TBCE: variants seen among roughly 807,000 people sequenced by gnomAD.
The protein encoded by TBCE is tubulin-specific chaperone E.
A neutral mutation model predicts 77.0 loss-of-function variants in TBCE; 53 were observed. That is an observed-to-expected ratio of 0.69 (90% CI 0.55 to 0.87). The LOEUF is 0.87. TBCE is among the 40% of genes least tolerant of loss of function. The pLI, the probability that TBCE is intolerant of heterozygous loss-of-function variation, is 0.00. For synonymous variants in TBCE, 235 were observed against 241.3 expected, an observed-to-expected ratio of 0.97 and a Z score of 0.24; for missense variants, 624 against 622.4, an observed-to-expected ratio of 1.00 and a Z score of -0.03.
chr1:235,446,980 T>G (rs979793587), intron 15 of TBCE, among the ~76,000 whole-genome samples: 32 of 152,150 alleles, frequency 2.1e-4, no homozygotes, highest in African/African-American at 7.7e-4. Context: ...AGATTTCTTA[T>G]TAGAACTGTT....
chr1:235,449,951 TA>T lies in TBCE; in HGVS notation c.*1193del, dbSNP rs1558403926. 2 of 316,768 alleles carry T rather than the reference TA, an allele frequency of 6.3e-6. No individual in the cohort carries two copies. The highest frequency in any genetic ancestry group is 1.1e-4 in the East Asian group (2 of 18,072). The allele number at this position is 316,768 out of a possible 1,614,324, so 19.6% of individuals were successfully genotyped here. Reference sequence around the variant, plus strand: ...GGATTTAGAAATATTTTTTCTTTTATAAAATAACTTGGTATTTTTCTGATAA... The same window carrying T: ...GGATTTAGAAATATTTTTTCTTTTATAAATAACTTGGTATTTTTCTGATAA... On this transcript the variant is annotated 3_prime_UTR_variant, in exon 17 of 17. Coordinates refer to ENST00000642610, the MANE Select transcript of TBCE (RefSeq NM_003193.5).
chr1:235,380,070 G>C lies in TBCE; in HGVS notation c.21G>C (p.Ala7=). 1.2e-6 allele frequency: 2 copies of C among 1,613,684 alleles called. No homozygotes were observed. The highest frequency in any genetic ancestry group is 1.7e-6 in the Non-Finnish European group (2 of 1,179,840). Residue 7 remains alanine (A), a synonymous_variant, in exon 2 of 17, where the codon GCG becomes GCC. Transcript: ENST00000642610. The part of the protein sequence containing the change: MSDTLT[A]DVIGRRVEVN... ...TTATAATGAGTGACACTTTGACAGC[G>C]GATGTCATTGGTCGAAGAGTTGAAG...
chr1:235,447,546 G>A (rs375263038), intron 15 of TBCE, among the ~76,000 whole-genome samples: 233 of 152,174 alleles, frequency 1.5e-3, no homozygotes, highest in Admixed American at 2.6e-3. Flanking sequence ...GAATGGCGGC[G>A]CTGGAAGGGA....
chr1:235,428,392 C>T (rs1272168009), intron 6 of TBCE, among the ~76,000 whole-genome samples: 1 of 152,056 alleles, frequency 6.6e-6, no homozygotes, highest in Non-Finnish European at 1.5e-5. Flanking sequence ...TGGAAGTCCC[C>T]TCTCTCTTAC....
chr1:235,414,678 A>T, intron 4 of TBCE, 60 bp downstream of exon 4: 1 of 1,538,676 alleles, frequency 6.5e-7, no homozygotes, highest in Non-Finnish European at 9.0e-7. Flanking sequence ...TTCAGAATTG[A>T]AATACCCATG....
At position 235,381,900 on chromosome 1, in the gene TBCE, G is replaced by T. The variant is rs1677679669; in HGVS notation, c.100+1751G>T. On this transcript the variant is annotated intron_variant, in intron 2 of 16. Transcript: ENST00000642610. Reference sequence around the variant, plus strand: ...ACATATGTATACATGTGCCATGCTGGTGTGCTGCACCCATTAACTCGTCAT... The same window carrying T: ...ACATATGTATACATGTGCCATGCTGTTGTGCTGCACCCATTAACTCGTCAT... Among the ~76,000 whole-genome samples the T allele has an allele frequency of 2.0e-5, 3 of 146,562 alleles. No homozygotes were observed. The Admixed American group carries it at 2.1e-4, about 10-fold the overall frequency.
At chr1:235,440,221 T>C (rs757915073) in intron 13 of TBCE, among the ~76,000 whole-genome samples, 124 of 152,076 alleles carry the variant, frequency 8.2e-4, no homozygotes, top group Non-Finnish European at 1.2e-3. Context: ...CCACCCACCT[T>C]GGCCTCCCAG....
chr1:235,383,733 T>C (rs941995577), intron 2 of TBCE, among the ~76,000 whole-genome samples: 2 of 152,206 alleles, frequency 1.3e-5, no homozygotes, highest in African/African-American at 4.8e-5. Flanking sequence ...CAGTGGGGTT[T>C]TCTAGATATA....
chr1:235,397,282 AGCTCCGCCTC>A (rs1317886740), intron 2 of TBCE, among the ~76,000 whole-genome samples: 1 of 150,160 alleles, frequency 6.7e-6, no homozygotes, highest in African/African-American at 2.5e-5. Flanking sequence ...GCTCACTGCA[AGCTCCGCCTC>A]CTGGGTTCAC....
intron 1 of TBCE, among the ~76,000 whole-genome samples, chr1:235,369,039 T>C (rs961627623): frequency 1.1e-4 from 16 of 152,162 alleles, no homozygotes; most frequent in African/African-American, 2.7e-4. Context: ...GCTCTTGTTA[T>C]CACCTTCACT....
chr1:235,405,336 T>C (rs971428339), intron 3 of TBCE, among the ~76,000 whole-genome samples: 4 of 151,674 alleles, frequency 2.6e-5, no homozygotes, highest in South Asian at 4.2e-4. Context: ...TTTTTTTTTT[T>C]TTTAATAAGT....
chr1:235,396,453 G>T lies in TBCE; in HGVS notation c.101-5050G>T, dbSNP rs904273846. Among the ~76,000 whole-genome samples the T allele has an allele frequency of 5.9e-5, 9 of 152,182 alleles. No homozygotes were observed. The East Asian group carries it at 1.7e-3, about 29-fold the overall frequency. ...TTTGAATAGTGCTGCAGTAAACATAGGAGTGCAGATGTCTCTTCTATATAC... is the reference window on the plus strand; with the variant it reads ...TTTGAATAGTGCTGCAGTAAACATATGAGTGCAGATGTCTCTTCTATATAC... On this transcript the variant is annotated intron_variant, in intron 2 of 16. Transcript: ENST00000642610.
chr1:235,380,647 C>T (rs761218124), intron 2 of TBCE, among the ~76,000 whole-genome samples: 4 of 151,184 alleles, frequency 2.6e-5, no homozygotes, highest in South Asian at 2.1e-4. Flanking sequence ...TTTGATTTTG[C>T]GTATTTCTTA....
intron 2 of TBCE, among the ~76,000 whole-genome samples, chr1:235,397,508 C>T (rs1678815700): frequency 1.3e-5 from 2 of 152,160 alleles, no homozygotes; most frequent in Admixed American, 6.5e-5. Flanking sequence ...CCACCGCGTC[C>T]GGCACTTTGT....
intron 13 of TBCE, among the ~76,000 whole-genome samples, chr1:235,440,067 T>C (rs1266870191): frequency 6.6e-6 from 1 of 152,060 alleles, no homozygotes; most frequent in Non-Finnish European, 1.5e-5. Context: ...GCCTCCCGGG[T>C]TCACGCCATT....
intron 3 of TBCE, among the ~76,000 whole-genome samples, chr1:235,408,905 T>G (rs774425295): frequency 6.6e-6 from 1 of 152,140 alleles, no homozygotes; most frequent in Non-Finnish European, 1.5e-5. Context: ...TGTGGAAGTC[T>G]GGGAGTCTGT....
chr1:235,380,148 A>T lies in TBCE; in HGVS notation c.99A>T (p.Ala33=). The T allele has an allele frequency of 6.3e-7, 1 of 1,588,560 alleles. No homozygotes were observed. The highest frequency in any genetic ancestry group is 8.6e-7 in the Non-Finnish European group (1 of 1,162,590). ...VRFAGVVPPV[A]GPWLGVEWDN... is the part of the protein sequence containing the mutation. The stretch of plus-strand genomic sequence containing the variant: ...TTGCTGGTGTTGTCCCTCCCGTGGC[A>T]GGTAAGCAATTATTGTGTGTGTGTG... Residue 33 remains alanine, a splice_region_variant and synonymous_variant, in exon 2 of 17, where the codon GCA becomes GCT. Transcript: ENST00000642610.
chr1:235,449,043 TAGAA>T lies in TBCE; in HGVS notation c.*287_*290del, dbSNP rs535642426. ...TTCATGATAAGATTTAAATATTAAA[TAGAA>T]AGAAACTAGCTAGCCTAATAAAATC... On this transcript the variant is annotated 3_prime_UTR_variant, in exon 17 of 17. Transcript: ENST00000642610. 984 of 350,248 alleles carry T rather than the reference TAGAA, an allele frequency of 2.8e-3. 22 individuals are homozygous for T. The highest frequency in any genetic ancestry group is 0.022 in the South Asian group (856 of 39,240). The allele number at this position is 350,248 out of a possible 1,614,324, so 21.7% of individuals were successfully genotyped here. A position where few individuals can be genotyped will look rare whatever the true frequency, so the allele number is the denominator to read the frequency against.
chr1:235,376,727 G>C (rs1241216838), intron 1 of TBCE, among the ~76,000 whole-genome samples: 1 of 152,108 alleles, frequency 6.6e-6, no homozygotes, highest in Non-Finnish European at 1.5e-5. Flanking sequence ...TGTAATCCCA[G>C]CACTTGGAGG....
Sources: allele counts gnomAD v4.1 joint callset (sites outside exome capture counted in the v4.1 genomes callset), GRCh38; gene constraint gnomAD v4.1.1; transcripts MANE v1.5; gene names NCBI Gene and HGNC (gene_info 2026-07-23, HGNC 2026-07-21).